Variants in MCUB observed in about 807,000 individuals in gnomAD.
The protein encoded by MCUB is calcium uniporter regulatory subunit MCUb, mitochondrial.
A neutral mutation model predicts 41.4 loss-of-function variants in MCUB; 46 were observed. That is an observed-to-expected ratio of 1.11 (90% CI 0.88 to 1.42). The LOEUF is 1.42. Among genes scored for constraint, MCUB ranks in the 40% most tolerant of loss-of-function variants. The pLI is 0.00. For synonymous variants in MCUB, 148 were observed against 148.2 expected (o/e 1.00, Z 0.01); for missense variants, 403 against 404.9 (o/e 1.00, Z 0.04).
chr4:109,607,340 C>A (rs1004813278), intron 1 of MCUB, among the ~76,000 whole-genome samples: 1 of 152,120 alleles, frequency 6.6e-6, no homozygotes, highest in African/African-American at 2.4e-5. Context: ...GTCTCAGCTT[C>A]CTGAATAGCT....
intron 4 of MCUB, among the ~76,000 whole-genome samples, chr4:109,676,074 G>A (rs1194921619): frequency 6.6e-6 from 1 of 152,222 alleles, no homozygotes; most frequent in African/African-American, 2.4e-5. Context: ...TTGGAATTTG[G>A]TAATGGGCAA....
At chr4:109,610,880 G>C (rs777583474) in intron 1 of MCUB, among the ~76,000 whole-genome samples, 27 of 152,116 alleles carry the variant, frequency 1.8e-4, no homozygotes, top group Admixed American at 2.6e-4. Flanking sequence ...ATAATGTACA[G>C]TAAAAATATA....
intron 1 of MCUB, among the ~76,000 whole-genome samples, chr4:109,561,835 G>A (rs143667216): frequency 6.6e-6 from 1 of 152,020 alleles, no homozygotes; most frequent in Non-Finnish European, 1.5e-5. Context: ...TGCAACTTCC[G>A]CCTCCTGGGT....
At chr4:109,664,480 A>G in intron 4 of MCUB, 86 bp downstream of exon 4, 2 of 619,450 alleles carry the variant, frequency 3.2e-6, no homozygotes, top group Non-Finnish European at 5.7e-6. Context: ...GCTGGAGTAC[A>G]GTGACGTCGT....
chr4:109,645,365 T>C (rs1436694628), intron 1 of MCUB, among the ~76,000 whole-genome samples: 1 of 145,768 alleles, frequency 6.9e-6, no homozygotes, highest in Non-Finnish European at 1.5e-5. Flanking sequence ...CAGATTCTTA[T>C]TTCCCCTAGA....
At chr4:109,650,503 T>C (rs1206871585) in intron 1 of MCUB, among the ~76,000 whole-genome samples, 1 of 152,152 alleles carries the variant, frequency 6.6e-6, no homozygotes, top group Non-Finnish European at 1.5e-5. Flanking sequence ...CCTACCAGTC[T>C]CTCAGAATTG....
At chr4:109,645,169 G>A (rs2126141268) in intron 1 of MCUB, among the ~76,000 whole-genome samples, 1 of 151,948 alleles carries the variant, frequency 6.6e-6, no homozygotes, top group Non-Finnish European at 1.5e-5. Context: ...TTGATAAACT[G>A]GCTCCACTAC....
intron 2 of MCUB, among the ~76,000 whole-genome samples, chr4:109,659,365 G>A (rs1001565643): frequency 1.3e-5 from 2 of 152,092 alleles, no homozygotes; most frequent in Admixed American, 6.5e-5. Context: ...CACGGCAGGC[G>A]GATCACTTCA....
At chr4:109,564,295 C>T (rs1726719637) in intron 1 of MCUB, among the ~76,000 whole-genome samples, 1 of 152,086 alleles carries the variant, frequency 6.6e-6, no homozygotes, top group South Asian at 2.1e-4. Context: ...CCATGGGGGC[C>T]AGCTAATTTT....
intron 1 of MCUB, among the ~76,000 whole-genome samples, chr4:109,620,406 A>G (rs1415662969): frequency 5.3e-5 from 8 of 151,154 alleles, no homozygotes; most frequent in East Asian, 1.9e-4. Flanking sequence ...ATTTTATTCA[A>G]TTGTATCATA....
intron 4 of MCUB, among the ~76,000 whole-genome samples, chr4:109,665,268 A>G (rs1729317892): frequency 6.6e-6 from 1 of 152,224 alleles, no homozygotes; most frequent in Non-Finnish European, 1.5e-5. Context: ...TATGTAGCTT[A>G]CATTTATTTT....
chr4:109,603,387 TC>T (rs1318000263), intron 1 of MCUB, among the ~76,000 whole-genome samples: 1 of 152,232 alleles, frequency 6.6e-6, no homozygotes, highest in African/African-American at 2.4e-5. Context: ...AGAGTCTCGC[TC>T]ACTCAGTGCT....
At chr4:109,587,146 T>G (rs941430825) in intron 1 of MCUB, among the ~76,000 whole-genome samples, 3 of 152,246 alleles carry the variant, frequency 2.0e-5, no homozygotes, top group African/African-American at 7.2e-5. Flanking sequence ...TTTGTTTACC[T>G]ACTCAAGCCT....
intron 1 of MCUB, among the ~76,000 whole-genome samples, chr4:109,645,519 A>G (rs1405677394): frequency 2.0e-5 from 3 of 152,078 alleles, no homozygotes; most frequent in Non-Finnish European, 4.4e-5. Context: ...AAAAGAAAAA[A>G]AAAAAAAACT....
At chr4:109,620,339 G>A (rs535826453) in intron 1 of MCUB, among the ~76,000 whole-genome samples, 1 of 151,794 alleles carries the variant, frequency 6.6e-6, no homozygotes, top group African/African-American at 2.4e-5. Flanking sequence ...GGCACACTGT[G>A]GGCAGGAAAT....
At chr4:109,593,827 C>T (rs1015974444) in intron 1 of MCUB, among the ~76,000 whole-genome samples, 3 of 152,110 alleles carry the variant, frequency 2.0e-5, no homozygotes, top group Non-Finnish European at 4.4e-5. Context: ...AAATATAATA[C>T]ATTTTTTCCA....
intron 1 of MCUB, among the ~76,000 whole-genome samples, chr4:109,611,309 A>G (rs1199728918): frequency 6.6e-6 from 1 of 152,204 alleles, no homozygotes; most frequent in Non-Finnish European, 1.5e-5. Flanking sequence ...CATTTGACCC[A>G]CTTGTAGAGA....
intron 1 of MCUB, among the ~76,000 whole-genome samples, chr4:109,652,678 G>A (rs1728987366): frequency 6.6e-6 from 1 of 152,134 alleles, no homozygotes. Flanking sequence ...CATGACCTAA[G>A]CACCTCCCAT....
At chr4:109,564,611 A>G (rs1726730048) in intron 1 of MCUB, among the ~76,000 whole-genome samples, 1 of 152,208 alleles carries the variant, frequency 6.6e-6, no homozygotes, top group Non-Finnish European at 1.5e-5. Context: ...TCTGTTCCCT[A>G]AAGAGCTGCC....
Sources: gnomAD v4.1 joint callset for allele counts (sites outside exome capture counted in the v4.1 genomes callset) on GRCh38, gnomAD v4.1.1 for gene constraint, MANE v1.5 for transcripts, NCBI Gene and HGNC (gene_info 2026-07-23, HGNC 2026-07-21) for gene names.